The following CCDC192 variants were observed in gnomAD, a reference collection of about 807,000 sequenced individuals.
CCDC192 encodes coiled-coil domain-containing protein 192.
intron 6 of CCDC192, among the ~76,000 whole-genome samples, chr5:127,881,277 G>GA (rs1402567202): frequency 6.6e-6 from 1 of 152,086 alleles, no homozygotes; most frequent in African/African-American, 2.4e-5. Flanking sequence ...GCAAGAAGGG[G>GA]AAAAAAGTGT....
chr5:127,762,257 A>G (rs1055479784), intron 3 of CCDC192, among the ~76,000 whole-genome samples: 6 of 152,222 alleles, frequency 3.9e-5, no homozygotes, highest in Non-Finnish European at 8.8e-5. Flanking sequence ...ATGCCATAAA[A>G]TCACAAGCAG....
intron 5 of CCDC192, among the ~76,000 whole-genome samples, chr5:127,850,786 T>A (rs1298413852): frequency 6.6e-6 from 1 of 152,050 alleles, no homozygotes. Context: ...GCCAACATGG[T>A]GAAACCCTAT....
chr5:127,934,177 C>T (rs1244154952), intron 6 of CCDC192, among the ~76,000 whole-genome samples: 9 of 117,532 alleles, frequency 7.7e-5, no homozygotes. Context: ...ATGATCTCAA[C>T]TAAGTATTTG....
At chr5:127,894,457 C>G (rs372249659) in intron 6 of CCDC192, among the ~76,000 whole-genome samples, 106 of 152,232 alleles carry the variant, frequency 7.0e-4, no homozygotes, top group African/African-American at 2.5e-3. Flanking sequence ...TCCCAAAGTG[C>G]TAGGATTACA....
intron 5 of CCDC192, among the ~76,000 whole-genome samples, chr5:127,800,339 T>C (rs558919366): frequency 8.3e-4 from 76 of 91,096 alleles, no homozygotes; most frequent in African/African-American, 3.4e-3. Context: ...ACATTGTCCC[T>C]GAAAAAAACA....
chr5:127,889,383 CCTTTT>C (rs1186091432), intron 6 of CCDC192, among the ~76,000 whole-genome samples: 3 of 148,122 alleles, frequency 2.0e-5, no homozygotes, highest in Admixed American at 6.9e-5. Context: ...CTTTTTTTTT[CCTTTT>C]CTTTTCTTTT....
chr5:127,910,054 G>A (rs1425401646), intron 6 of CCDC192, among the ~76,000 whole-genome samples: 1 of 152,164 alleles, frequency 6.6e-6, no homozygotes. Flanking sequence ...GACAAAACAG[G>A]CCAAGTGCCT....
At chr5:127,904,274 C>T (rs1326457542) in intron 6 of CCDC192, among the ~76,000 whole-genome samples, 2 of 152,138 alleles carry the variant, frequency 1.3e-5, no homozygotes, top group Non-Finnish European at 2.9e-5. Flanking sequence ...TGATTTTAGC[C>T]CGGTGAAACC....
chr5:127,780,132 C>G (rs1379531531), intron 3 of CCDC192, among the ~76,000 whole-genome samples: 2 of 151,922 alleles, frequency 1.3e-5, no homozygotes. Flanking sequence ...CATACACACA[C>G]ATATATATAC....
At chr5:127,854,188 C>CATT (rs1466979900) in intron 5 of CCDC192, among the ~76,000 whole-genome samples, 4 of 152,202 alleles carry the variant, frequency 2.6e-5, no homozygotes, top group Non-Finnish European at 4.4e-5. Flanking sequence ...CTTGATCCTT[C>CATT]ATTAAATCCT....
chr5:127,758,139 T>C (rs556668124), intron 3 of CCDC192, among the ~76,000 whole-genome samples: 99 of 152,288 alleles, frequency 6.5e-4, no homozygotes, highest in African/African-American at 2.3e-3. Context: ...CTGTTAGCTT[T>C]GCCTCTGAGA....
intron 2 of CCDC192, among the ~76,000 whole-genome samples, chr5:127,712,823 A>G (rs568809955): frequency 1.3e-5 from 2 of 152,336 alleles, no homozygotes; most frequent in East Asian, 3.9e-4. Flanking sequence ...ACTTTTGAAA[A>G]ACCTGCTAAA....
intron 6 of CCDC192, among the ~76,000 whole-genome samples, chr5:127,882,322 A>T (rs549944873): frequency 6.6e-6 from 1 of 152,166 alleles, no homozygotes; most frequent in Non-Finnish European, 1.5e-5. Context: ...CTTTGCCGAC[A>T]CCCCAGAGCC....
intron 2 of CCDC192, among the ~76,000 whole-genome samples, chr5:127,718,409 A>T (rs372619928): frequency 1.2e-3 from 180 of 152,336 alleles, no homozygotes; most frequent in African/African-American, 4.1e-3. Flanking sequence ...GATACCCATG[A>T]CATTTTTTTC....
chr5:127,875,562 A>G lies in CCDC192; in HGVS notation c.436A>G (p.Lys146Glu), dbSNP rs550519713. Residue 146 changes from lysine (K) to glutamate (E), a missense_variant, in exon 6 of 7, where the codon AAA (lysine) becomes GAA (glutamate). By Grantham distance (56) the Lys-to-Glu change is moderately conservative (BLOSUM62 1). Coordinates refer to ENST00000514853, the MANE Select transcript of CCDC192 (RefSeq NM_001317938.2). ...GAAACTAAAGCATGAAAAGAAAGTGAAAAAACTACAGACTGATTTGGCAAC... is the reference window on the plus strand; with the variant it reads ...GAAACTAAAGCATGAAAAGAAAGTGGAAAAACTACAGACTGATTTGGCAAC... ...AQKLKHEKKV[K>E]KLQTDLATAN... The G allele has an allele frequency of 5.0e-6, 2 of 398,696 alleles. No individual in the cohort carries two copies. Among genetic ancestry groups the G allele is most frequent in the Non-Finnish European group, 8.8e-6 (2 of 225,998 alleles). The allele number at this position is 398,696 out of a possible 1,614,324, so 24.7% of individuals were successfully genotyped here.
intron 2 of CCDC192, among the ~76,000 whole-genome samples, chr5:127,743,872 C>T (rs1201737766): frequency 6.6e-6 from 1 of 151,962 alleles, no homozygotes; most frequent in Non-Finnish European, 1.5e-5. Flanking sequence ...GGGTGGATCA[C>T]GAGGTCGGGA....
At chr5:127,856,038 T>C (rs1751074523) in intron 5 of CCDC192, among the ~76,000 whole-genome samples, 1 of 152,190 alleles carries the variant, frequency 6.6e-6, no homozygotes, top group African/African-American at 2.4e-5. Flanking sequence ...GCCTGCCCCT[T>C]GAAGCTTTGA....
At chr5:127,749,221 C>T (rs996971638) in intron 2 of CCDC192, among the ~76,000 whole-genome samples, 3 of 151,996 alleles carry the variant, frequency 2.0e-5, no homozygotes, top group East Asian at 1.9e-4. Context: ...CCAGTTTTTG[C>T]CCATTCAGTA....
chr5:127,884,141 A>G (rs1752462307), intron 6 of CCDC192, among the ~76,000 whole-genome samples: 1 of 152,018 alleles, frequency 6.6e-6, no homozygotes, highest in Admixed American at 6.6e-5. Flanking sequence ...CAGGAGATCC[A>G]GACCATCCTA....
Sources: gnomAD v4.1 joint callset for allele counts (sites outside exome capture counted in the v4.1 genomes callset) on GRCh38, gnomAD v4.1.1 for gene constraint, MANE v1.5 for transcripts, NCBI Gene and HGNC (gene_info 2026-07-23, HGNC 2026-07-21) for gene names.